Variants in WDR19 observed in about 807,000 individuals in gnomAD.
WDR19 encodes WD repeat domain 19.
Under a neutral mutation model 180.0 loss-of-function variants are expected in WDR19, and 121 were observed. That is an observed-to-expected ratio of 0.67 (90% CI 0.58 to 0.78). WDR19 has a LOEUF of 0.78. WDR19 is among the 30% of genes least tolerant of loss of function. WDR19 has a pLI of 0.00. For missense variants in WDR19, 1,450 were observed against 1,640.7 expected, an observed-to-expected ratio of 0.88 and a Z score of 2.01; for synonymous variants, 497 against 540.7, an observed-to-expected ratio of 0.92 and a Z score of 1.12.
At chr4:39,245,170 C>A (rs980107010) in intron 23 of WDR19, among the ~76,000 whole-genome samples, 199 bp from the exon 24 acceptor site, 12 of 151,878 alleles carry the variant, frequency 7.9e-5, no homozygotes, top group African/African-American at 2.4e-4. Flanking sequence ...TGGTCTTGAA[C>A]TCCTGACCTC....
At chr4:39,283,347 GT>G (rs1736766488) in intron 36 of WDR19, among the ~76,000 whole-genome samples, 1 of 151,482 alleles carries the variant, frequency 6.6e-6, no homozygotes, top group South Asian at 2.1e-4. Flanking sequence ...AGAATATTGT[GT>G]CTGTGTTCAT....
chr4:39,249,320 G>C (rs951362718), intron 24 of WDR19, among the ~76,000 whole-genome samples: 22 of 152,054 alleles, frequency 1.4e-4, no homozygotes, highest in Non-Finnish European at 4.4e-5. Flanking sequence ...CAACATACCA[G>C]AATCTCTGGG....
At chr4:39,196,924 C>G (rs1030670577) in intron 5 of WDR19, among the ~76,000 whole-genome samples, 2 of 152,182 alleles carry the variant, frequency 1.3e-5, no homozygotes, top group Non-Finnish European at 2.9e-5. Flanking sequence ...CATTTAATAC[C>G]TGCTTTCTGC....
intron 26 of WDR19, among the ~76,000 whole-genome samples, 165 bp downstream of exon 26, chr4:39,254,195 G>A (rs907440859): frequency 1.3e-5 from 2 of 152,080 alleles, no homozygotes; most frequent in African/African-American, 4.8e-5. Context: ...TGTTGGATTT[G>A]AAGATCCCTG....
At chr4:39,275,880 C>T (rs1735844170) in intron 33 of WDR19, among the ~76,000 whole-genome samples, 3 of 152,254 alleles carry the variant, frequency 2.0e-5, no homozygotes. Context: ...GCAGAGAGCT[C>T]ATTTCCAAAT....
chr4:39,195,151 A>T (rs1726592023), intron 5 of WDR19, among the ~76,000 whole-genome samples: 1 of 151,968 alleles, frequency 6.6e-6, no homozygotes, highest in Admixed American at 6.6e-5. Flanking sequence ...GTGGATCACG[A>T]GGTCAGGAGT....
At chr4:39,233,528 G>A (rs768193824) in intron 19 of WDR19, among the ~76,000 whole-genome samples, 1 of 152,108 alleles carries the variant, frequency 6.6e-6, no homozygotes, top group Non-Finnish European at 1.5e-5. Flanking sequence ...CACATAATTA[G>A]CTATTGTAAT....
In WDR19 at chr4:39,199,235, C is replaced by G. The variant is rs532321840; in HGVS notation, c.407-243C>G. Among the ~76,000 whole-genome samples, 13 of 152,216 alleles carry G rather than the reference C, an allele frequency of 8.5e-5. No individual in the cohort carries two copies. In the South Asian group the frequency reaches 2.7e-3, roughly 32 times the overall value. On this transcript the variant is annotated intron_variant, in intron 5 of 36. Coordinates refer to ENST00000399820, the MANE Select transcript of WDR19 (RefSeq NM_025132.4). ...TAAACGAAGAAATCTTGTCAAGGAGCAGAATATCTTTTTACATTAGGGCTT... is the reference window on the plus strand; with the variant it reads ...TAAACGAAGAAATCTTGTCAAGGAGGAGAATATCTTTTTACATTAGGGCTT...
chr4:39,224,824 A>G, intron 14 of WDR19, 60 bp from the exon 15 acceptor site: 1 of 1,384,148 alleles, frequency 7.2e-7, no homozygotes, highest in Non-Finnish European at 9.6e-7. Context: ...AAATGTTGAA[A>G]GTTAGGATTT....
intron 4 of WDR19, among the ~76,000 whole-genome samples, chr4:39,193,842 G>A (rs577778461): frequency 1.0e-3 from 156 of 152,276 alleles, no homozygotes; most frequent in African/African-American, 3.5e-3. Flanking sequence ...TGTCTGGGCT[G>A]GGATCTGAGA....
chr4:39,217,171 A>C lies in WDR19; in HGVS notation c.1287A>C (p.Thr429=). 1 of 1,609,074 alleles carries C rather than the reference A, an allele frequency of 6.2e-7. No individual in the cohort carries two copies. Among genetic ancestry groups the C allele is most frequent in the African/African-American group, 1.3e-5 (1 of 75,006 alleles). ...TGAAAGATATGGAGTATCTGGGAAC[A>C]GTAGCCAGTATTTGCCTTCATTCTG... The part of the protein sequence containing the change: ...KKLKDMEYLG[T]VASICLHSDY... Residue 429 remains threonine, a synonymous_variant, in exon 13 of 37, where the codon ACA becomes ACC. Coordinates refer to ENST00000399820, the MANE Select transcript of WDR19 (RefSeq NM_025132.4).
chr4:39,193,160 CT>C (rs1560477573), intron 4 of WDR19, among the ~76,000 whole-genome samples: 1 of 148,974 alleles, frequency 6.7e-6, no homozygotes, highest in African/African-American at 2.5e-5. Flanking sequence ...AATTTTTTTT[CT>C]TTTCTTTTTT....
chr4:39,193,839 G>C (rs973769778), intron 4 of WDR19, among the ~76,000 whole-genome samples: 4 of 152,178 alleles, frequency 2.6e-5, no homozygotes, highest in Non-Finnish European at 5.9e-5. Flanking sequence ...GTATGTCTGG[G>C]CTGGGATCTG....
At chr4:39,276,785 A>G (rs1009199619) in intron 33 of WDR19, among the ~76,000 whole-genome samples, 1 of 152,192 alleles carries the variant, frequency 6.6e-6, no homozygotes, top group Admixed American at 6.5e-5. Context: ...TATGAACTCC[A>G]GTTCCCAAAG....
At chr4:39,227,967 T>C (rs1373543900) in intron 15 of WDR19, among the ~76,000 whole-genome samples, 1 of 152,242 alleles carries the variant, frequency 6.6e-6, no homozygotes, top group East Asian at 1.9e-4. Flanking sequence ...TTGTGGGTTC[T>C]CCTACAAATT....
intron 28 of WDR19, 118 bp from the exon 29 acceptor site, chr4:39,265,945 A>G (rs1734746316): frequency 2.4e-6 from 2 of 820,230 alleles, no homozygotes; most frequent in Non-Finnish European, 4.0e-6. Flanking sequence ...CAGGCACTTT[A>G]CTATAGATAC....
At chr4:39,268,359 T>C (rs570926987) in intron 30 of WDR19, among the ~76,000 whole-genome samples, 5 of 152,188 alleles carry the variant, frequency 3.3e-5, no homozygotes, top group Non-Finnish European at 7.3e-5. Flanking sequence ...GTCTCATGAA[T>C]GATGTCTCCT....
chr4:39,182,594 C>T (rs1225726577), intron 1 of WDR19, 31 bp downstream of exon 1: 6 of 1,613,148 alleles, frequency 3.7e-6, no homozygotes, highest in South Asian at 1.1e-5. Flanking sequence ...CGGGGTGGGG[C>T]GGGAAAACGC....
At chr4:39,238,439 A>G (rs1440237602) in intron 20 of WDR19, among the ~76,000 whole-genome samples, 1 of 152,252 alleles carries the variant, frequency 6.6e-6, no homozygotes, top group Non-Finnish European at 1.5e-5. Context: ...TGAGAGTTCC[A>G]AAGTATTAAT....
Sources: gnomAD v4.1 joint callset for allele counts (sites outside exome capture counted in the v4.1 genomes callset) on GRCh38, gnomAD v4.1.1 for gene constraint, MANE v1.5 for transcripts, NCBI Gene and HGNC (gene_info 2026-07-23, HGNC 2026-07-21) for gene names.